ZNF540: variants seen among roughly 807,000 people sequenced by gnomAD.
ZNF540 encodes CTD-3064H18.6.
A neutral mutation model predicts 11.8 loss-of-function variants in ZNF540; 3 were observed. The ratio of observed to expected loss-of-function variants is 0.25; its 90% CI spans 0.12 to 0.65. The LOEUF (loss-of-function observed/expected upper bound fraction) is 0.65. Among genes scored for constraint, ZNF540 ranks in the 30% least tolerant of loss-of-function variants. ZNF540 has a pLI of 0.83. For missense variants in ZNF540, 709 were observed against 793.1 expected, an observed-to-expected ratio of 0.89 and a Z score of 1.27; for synonymous variants, 247 against 259.0, an observed-to-expected ratio of 0.95 and a Z score of 0.45.
chr19:37,583,778 C>T (rs1460476347), intron 1 of ZNF540: 2 of 501,918 alleles, frequency 4.0e-6, no homozygotes, highest in Non-Finnish European at 3.5e-6. Context: ...AGAAGGGAGA[C>T]ACTGACAGGA....
intron 1 of ZNF540, among the ~76,000 whole-genome samples, chr19:37,561,672 GAATT>G (rs2042719132): frequency 1.3e-5 from 2 of 152,282 alleles, no homozygotes; most frequent in East Asian, 1.9e-4. Context: ...CGTATTTTGG[GAATT>G]ATTTCTTGAA....
At chr19:37,554,153 A>T (rs2042636544) in intron 1 of ZNF540, among the ~76,000 whole-genome samples, 1 of 151,706 alleles carries the variant, frequency 6.6e-6, no homozygotes, top group African/African-American at 2.4e-5. Context: ...TCCACCCTCC[A>T]CTCTCAAGCA....
chr19:37,592,844 C>T (rs1229387353), upstream of ZNF540, among the ~76,000 whole-genome samples: 1 of 152,134 alleles, frequency 6.6e-6, no homozygotes, highest in Non-Finnish European at 1.5e-5. Flanking sequence ...GAATATTCTA[C>T]GGGACAGATG....
intron 1 of ZNF540, among the ~76,000 whole-genome samples, chr19:37,584,644 C>G (rs947651482): frequency 1.3e-5 from 2 of 152,094 alleles, no homozygotes; most frequent in African/African-American, 4.8e-5. Context: ...ACAAAATGAT[C>G]TGCTTATTTG....
chr19:37,589,219 A>AG (rs2043791460), intron 1 of ZNF540, among the ~76,000 whole-genome samples: 1 of 151,296 alleles, frequency 6.6e-6, no homozygotes, highest in Non-Finnish European at 1.5e-5. Flanking sequence ...AAAAAAAAAA[A>AG]AATCACAAAA....
At chr19:37,573,092 C>G (rs1456342636) in intron 1 of ZNF540, among the ~76,000 whole-genome samples, 1 of 152,002 alleles carries the variant, frequency 6.6e-6, no homozygotes, top group African/African-American at 2.4e-5. Flanking sequence ...ATATTCCTCA[C>G]CACCACACTA....
At chr19:37,583,437 C>T (rs964159070) in intron 1 of ZNF540, 6 of 152,262 alleles carry the variant, frequency 3.9e-5, no homozygotes, top group African/African-American at 7.2e-5. Flanking sequence ...GGAGGTTCCA[C>T]GGGGAACTCA....
In ZNF540 at chr19:37,612,077, C is replaced by G; in HGVS notation, c.797C>G (p.Thr266Ser). The change falls in exon 5 of 5, where the codon ACT becomes AGT. Residue 266 changes from threonine (T) to serine (S), a missense_variant. Physicochemically the swap from Thr to Ser is moderately conservative, Grantham distance 58. Transcript: ENST00000316433. Reference sequence around the variant, plus strand: ...CTTAATCGACATCAGAAAATTCACACTGGTAAAAAACCCTATATGTGTAAG... The same window carrying G: ...CTTAATCGACATCAGAAAATTCACAGTGGTAAAAAACCCTATATGTGTAAG... ...PQLNRHQKIH[T>S]GKKPYMCKKC... 6.2e-7 allele frequency: 1 copy of G among 1,611,594 alleles called. No homozygotes were observed. Among genetic ancestry groups the G allele is most frequent in the Non-Finnish European group, 8.5e-7 (1 of 1,179,526 alleles).
intron 1 of ZNF540, among the ~76,000 whole-genome samples, chr19:37,570,561 G>A (rs1350120358): frequency 6.6e-6 from 1 of 152,108 alleles, no homozygotes; most frequent in Non-Finnish European, 1.5e-5. Flanking sequence ...ATTGTATTCT[G>A]TAGTCTCTTT....
chr19:37,582,668 T>C (rs1477708631), intron 1 of ZNF540, among the ~76,000 whole-genome samples: 1 of 152,212 alleles, frequency 6.6e-6, no homozygotes, highest in East Asian at 1.9e-4. Flanking sequence ...TACGTAACTC[T>C]TGACTTCCTT....
At chr19:37,566,477 G>C (rs867802469) in intron 1 of ZNF540, 1 of 634,474 alleles carries the variant, frequency 1.6e-6, no homozygotes, top group Non-Finnish European at 2.5e-6. Context: ...GAGCTTATAG[G>C]AAAGAAGGTA....
chr19:37,602,196 G>A (rs2044044576), intron 4 of ZNF540, among the ~76,000 whole-genome samples: 1 of 152,162 alleles, frequency 6.6e-6, no homozygotes, highest in South Asian at 2.1e-4. Context: ...GAAATCATAG[G>A]TGAACAAGCA....
At chr19:37,589,001 G>A (rs1046723237) in intron 1 of ZNF540, among the ~76,000 whole-genome samples, 9 of 151,872 alleles carry the variant, frequency 5.9e-5, no homozygotes, top group South Asian at 2.1e-4. Flanking sequence ...GCAGTTCACC[G>A]TCAGCCTGGC....
chr19:37,555,997 T>C (rs1242628420), intron 1 of ZNF540: 2 of 701,540 alleles, frequency 2.9e-6, no homozygotes, highest in Non-Finnish European at 5.2e-6. Context: ...TCAGGGTGAT[T>C]CCCAGGACAG....
chr19:37,570,186 G>A (rs899574586), intron 1 of ZNF540, among the ~76,000 whole-genome samples: 1 of 152,108 alleles, frequency 6.6e-6, no homozygotes, highest in African/African-American at 2.4e-5. Context: ...TACCTTAAAA[G>A]CTTTGGTTTC....
intron 1 of ZNF540, chr19:37,566,038 C>G: frequency 6.2e-7 from 1 of 1,614,042 alleles, no homozygotes; most frequent in Non-Finnish European, 8.5e-7. Flanking sequence ...TAGGAATTAT[C>G]CGATGAAAAG....
intron 1 of ZNF540, among the ~76,000 whole-genome samples, chr19:37,554,149 C>G (rs1432739991): frequency 6.6e-6 from 1 of 152,182 alleles, no homozygotes; most frequent in Non-Finnish European, 1.5e-5. Flanking sequence ...TCCTTCCACC[C>G]TCCACTCTCA....
At chr19:37,592,800 G>A (rs2043905912), upstream of ZNF540, among the ~76,000 whole-genome samples, 1 of 152,136 alleles carries the variant, frequency 6.6e-6, no homozygotes, top group African/African-American at 2.4e-5. Context: ...TTATAAGACA[G>A]TACAAAGAAG....
chr19:37,568,122 TAACTGGATCAGCAGGCAC>T (rs1190258066), intron 1 of ZNF540, among the ~76,000 whole-genome samples: 1 of 152,144 alleles, frequency 6.6e-6, no homozygotes, highest in Non-Finnish European at 1.5e-5. Context: ...CTATCTGATG[TAACTGGATCAGCAGGCAC>T]AGGGTCTCTG....
Sources: gnomAD v4.1 joint callset for allele counts (sites outside exome capture counted in the v4.1 genomes callset) on GRCh38, gnomAD v4.1.1 for gene constraint, MANE v1.5 for transcripts, NCBI Gene and HGNC (gene_info 2026-07-23, HGNC 2026-07-21) for gene names.